The following THSD4 variants were observed in gnomAD, a reference collection of about 807,000 sequenced individuals.
THSD4 encodes thrombospondin type 1 domain containing 4, also known as thrombospondin type-1 domain-containing protein 4.
In THSD4, 69 loss-of-function variants were observed where a neutral mutation model predicts 119.0. That is an observed-to-expected ratio of 0.58 (90% confidence interval 0.48 to 0.71). The LOEUF (loss-of-function observed/expected upper bound fraction) is 0.71, where lower values mean the gene tolerates loss of function less well. THSD4 is among the 30% of genes least tolerant of loss of function. The probability of loss-of-function intolerance (pLI) is 0.00; values close to 1 mark genes in which losing one functional copy is unlikely to be tolerated. For synonymous variants in THSD4, 524 were observed against 540.4 expected (o/e 0.97, Z 0.42); for missense variants, 1,393 against 1,391.1 (o/e 1.00, Z -0.02).
intron 8 of THSD4, among the ~76,000 whole-genome samples, chr15:71,727,553 A>ATAT (rs1398113355): frequency 8.1e-6 from 1 of 122,826 alleles, no homozygotes; most frequent in African/African-American, 3.9e-5. Flanking sequence ...AAAAAAAAAA[A>ATAT]ATATATATAT....
rs1191660776 is a variant in THSD4, at chr15:71,199,905, TGCATGTGTGGG to T, written c.100-15128_100-15118del. Among the ~76,000 whole-genome samples the T allele has an allele frequency of 1.5e-3, 130 of 84,506 alleles. No individual in the cohort carries two copies. In the East Asian group the frequency reaches 0.02, roughly 13 times the overall value. The allele number at this position is 84,506 out of a possible 152,430, so 55.4% of individuals were successfully genotyped here. On this transcript the variant is annotated intron_variant, in intron 3 of 17. Transcript: ENST00000261862. Reference sequence around the variant, plus strand: ...GTGCATGTGTGGTATGTGTGTGTGGTGCATGTGTGGGGTGTGTGTGTGTGTGTGTGTATGGC... The same window carrying T: ...GTGCATGTGTGGTATGTGTGTGTGGTGTGTGTGTGTGTGTGTGTGTATGGC...
At chr15:71,373,773 A>ACT (rs2140439638) in intron 6 of THSD4, among the ~76,000 whole-genome samples, 1 of 152,098 alleles carries the variant, frequency 6.6e-6, no homozygotes, top group South Asian at 2.1e-4. Flanking sequence ...GTGTGGTGGG[A>ACT]CTCTGGCTTT....
chr15:71,269,796 T>C (rs2044508246), intron 6 of THSD4, among the ~76,000 whole-genome samples: 1 of 152,168 alleles, frequency 6.6e-6, no homozygotes, highest in Admixed American at 6.5e-5. Flanking sequence ...AGCTTTCTTA[T>C]ACACCAATAA....
intron 7 of THSD4, among the ~76,000 whole-genome samples, chr15:71,474,280 C>A (rs565438555): frequency 6.6e-6 from 1 of 151,874 alleles, no homozygotes; most frequent in Non-Finnish European, 1.5e-5. Flanking sequence ...AGTGCAGTGG[C>A]GTGATCTCGG....
chr15:71,280,038 T>A (rs1596311451), intron 6 of THSD4, among the ~76,000 whole-genome samples: 1 of 152,198 alleles, frequency 6.6e-6, no homozygotes, highest in African/African-American at 2.4e-5. Flanking sequence ...CATTCCACTA[T>A]TGGTGACTGG....
In THSD4 at chr15:71,661,853, G is replaced by C. The variant is rs535773015; in HGVS notation, c.1357+1119G>C. Among the ~76,000 whole-genome samples the C allele has an allele frequency of 3.9e-5, 6 of 152,108 alleles. No homozygotes were observed. In the East Asian group the frequency reaches 1.2e-3, roughly 29 times the overall value. On this transcript the variant is annotated intron_variant, in intron 8 of 17. Transcript: ENST00000261862. ...TTACCTAAAACAAACTATGTGTCAG[G>C]CACTATTCTTAATGTGTTGCAAGCA...
chr15:71,129,298 G>A (rs1021771116), intron 1 of THSD4, among the ~76,000 whole-genome samples: 1 of 152,174 alleles, frequency 6.6e-6, no homozygotes, highest in Non-Finnish European at 1.5e-5. Context: ...TAATAAAGAG[G>A]TTGGAGTGTA....
Position 71,737,819 on chromosome 15 carries a change from T to C in THSD4, c.1718T>C (p.Leu573Ser). 1 of 1,614,186 alleles carries C rather than the reference T, an allele frequency of 6.2e-7. No homozygotes were observed. Among genetic ancestry groups the C allele is most frequent in the Non-Finnish European group, 8.5e-7 (1 of 1,180,030 alleles). Residue 573 changes from leucine (L) to serine (S), a missense_variant, in exon 11 of 18, where the codon TTG (leucine) becomes TCG (serine). Physicochemically the swap from Leu to Ser is moderately radical, Grantham distance 145. Coordinates refer to ENST00000261862, the MANE Select transcript of THSD4 (RefSeq NM_024817.3). ...GGGAGGAACGAGGAGAAGGAAGACT[T>C]GCGTGGGGAGGCCCCTGAGATGTTC... ...QKGRNEEKEDLRGEAPEMFTS... is the reference protein window; with the variant it reads ...QKGRNEEKEDSRGEAPEMFTS...
At chr15:71,439,347 T>A (rs1242466612) in intron 7 of THSD4, among the ~76,000 whole-genome samples, 1 of 152,198 alleles carries the variant, frequency 6.6e-6, no homozygotes, top group Non-Finnish European at 1.5e-5. Context: ...AGCAAAATGC[T>A]AGTAATTATA....
chr15:71,514,150 A>G (rs2048321406), intron 7 of THSD4, among the ~76,000 whole-genome samples: 1 of 152,248 alleles, frequency 6.6e-6, no homozygotes, highest in Non-Finnish European at 1.5e-5. Context: ...CTCTCTCAGC[A>G]TAGAAGGAAG....
chr15:71,660,402 C>T lies in THSD4; in HGVS notation c.1153-128C>T, dbSNP rs1446615851. 1.1e-5 allele frequency: 12 copies of T among 1,112,978 alleles called. No homozygotes were observed. In the South Asian group the frequency reaches 1.4e-4, roughly 13 times the overall value. The allele number at this position is 1,112,978 out of a possible 1,614,324, so 68.9% of individuals were successfully genotyped here. A position where few individuals can be genotyped will look rare whatever the true frequency, so the allele number is the denominator to read the frequency against. ...CTGGTTTACCGTCTGTGGCTCCCACCCCACTCCTAGAATATACATTTCGTA... is the reference window on the plus strand; with the variant it reads ...CTGGTTTACCGTCTGTGGCTCCCACTCCACTCCTAGAATATACATTTCGTA... On this transcript the variant is annotated intron_variant, in intron 7 of 17. Transcript: ENST00000261862.
chr15:71,424,469 G>C (rs984133143), intron 7 of THSD4, among the ~76,000 whole-genome samples: 7 of 152,064 alleles, frequency 4.6e-5, no homozygotes, highest in Non-Finnish European at 1.0e-4. Context: ...AGGCCTCGAA[G>C]GGAAAGGGCA....
chr15:71,247,177 C>T (rs2044211107), intron 5 of THSD4, among the ~76,000 whole-genome samples: 1 of 151,774 alleles, frequency 6.6e-6, no homozygotes, highest in Non-Finnish European at 1.5e-5. Flanking sequence ...TGATAACAGG[C>T]ATGAGCCACT....
chr15:71,277,128 C>CTTTTT lies in THSD4; in HGVS notation c.1015+20423_1015+20427dup, dbSNP rs779207517. 5.4e-3 allele frequency among the ~76,000 whole-genome samples: 661 copies of CTTTTT among 122,994 alleles called. 16 individuals carry two copies. The highest frequency in any genetic ancestry group is 7.8e-3 in the African/African-American group (233 of 29,760). The allele number at this position is 122,994 out of a possible 152,430, so 80.7% of individuals were successfully genotyped here. On this transcript the variant is annotated intron_variant, in intron 6 of 17. Transcript: ENST00000261862. ...TATTTGTATTTGAATTCTTCTTCTT[C>CTTTTT]TTTTTTTTTTTTTTGAAACGGAGTT...
intron 3 of THSD4, among the ~76,000 whole-genome samples, chr15:71,163,971 T>C (rs1048047011): frequency 6.6e-6 from 1 of 151,770 alleles, no homozygotes; most frequent in Non-Finnish European, 1.5e-5. Context: ...GAACATACTT[T>C]TCTATTAGTC....
At chr15:71,454,293 C>T (rs2047306853) in intron 7 of THSD4, among the ~76,000 whole-genome samples, 1 of 152,198 alleles carries the variant, frequency 6.6e-6, no homozygotes, top group Non-Finnish European at 1.5e-5. Flanking sequence ...CCACTCTTTC[C>T]TCTCTTGCAC....
At chr15:71,230,512 C>G (rs1488938540) in intron 4 of THSD4, among the ~76,000 whole-genome samples, 4 of 152,230 alleles carry the variant, frequency 2.6e-5, no homozygotes, top group Non-Finnish European at 4.4e-5. Context: ...GTGCTAGGCG[C>G]TTTCCCTGAA....
In THSD4 at chr15:71,320,330, C is replaced by T. The variant is rs141856077; in HGVS notation, c.1015+63615C>T. ...ACTAAAGACTGCAAGTTAACCCAGA[C>T]TAAAACAACCTCAAAGTTATTTGCA... is the stretch of plus-strand genomic sequence containing the variant. On this transcript the variant is annotated intron_variant, in intron 6 of 17. Transcript: ENST00000261862. Among the ~76,000 whole-genome samples the T allele has an allele frequency of 2.9e-4, 44 of 152,326 alleles. No homozygotes were observed. The East Asian group carries it at 5.8e-3, about 20-fold the overall frequency.
At chr15:71,596,546 C>T (rs545321417) in intron 7 of THSD4, among the ~76,000 whole-genome samples, 7 of 152,284 alleles carry the variant, frequency 4.6e-5, no homozygotes, top group East Asian at 1.9e-4. Flanking sequence ...AACACTGGCT[C>T]CATGGGGACA....
Sources: allele counts gnomAD v4.1 joint callset (sites outside exome capture counted in the v4.1 genomes callset), GRCh38; gene constraint gnomAD v4.1.1; transcripts MANE v1.5; gene names NCBI Gene and HGNC (gene_info 2026-07-23, HGNC 2026-07-21).